MCM9: variants seen among roughly 807,000 people sequenced by gnomAD.
MCM9 encodes the protein minichromosome maintenance 9 homologous recombination repair factor, also known as DNA helicase MCM9.
In MCM9, 55 loss-of-function variants were observed where a neutral mutation model predicts 72.8. The ratio of observed to expected loss-of-function variants is 0.76; its 90% CI spans 0.61 to 0.95. The LOEUF (loss-of-function observed/expected upper bound fraction) is 0.95. Ranked by LOEUF, MCM9 falls within the 40% of genes least tolerant of loss-of-function variation. The pLI is 0.00. For missense variants in MCM9, 1,279 were observed against 1,377.0 expected (o/e 0.93, Z 1.13); for synonymous variants, 480 against 503.4 (o/e 0.95, Z 0.62).
chr6:118,916,578 C>T (rs188085149), intron 6 of MCM9, among the ~76,000 whole-genome samples: 45 of 151,740 alleles, frequency 3.0e-4, no homozygotes, highest in African/African-American at 1.1e-3. Flanking sequence ...CCTGTCTCAC[C>T]CTCACAAGTT....
Position 118,921,991 on chromosome 6 carries a change from T to C in MCM9, c.703+14A>G, listed in dbSNP as rs41292556. ...CTACCTACACAAGCTAAAAAAAAAT[T>C]CCCCTCTTCTTACCAGATTTGCAAC... is the stretch of plus-strand genomic sequence containing the variant. On this transcript the variant is annotated intron_variant, in intron 5 of 13. Coordinates refer to ENST00000619706, the MANE Select transcript of MCM9 (RefSeq NM_017696.3). 387 of 1,600,180 alleles carry C rather than the reference T, an allele frequency of 2.4e-4. No individual in the cohort carries two copies. The highest frequency in any genetic ancestry group is 3.2e-4 in the Non-Finnish European group (378 of 1,173,076).
At chr6:118,842,032 G>A (rs984633507) in intron 9 of MCM9, among the ~76,000 whole-genome samples, 2 of 151,956 alleles carry the variant, frequency 1.3e-5, no homozygotes, top group South Asian at 4.2e-4. Context: ...ATGGGGTTTC[G>A]CCATATTGGC....
intron 8 of MCM9, among the ~76,000 whole-genome samples, chr6:118,896,787 T>C (rs888530333): frequency 1.3e-5 from 2 of 152,122 alleles, no homozygotes; most frequent in African/African-American, 4.8e-5. Flanking sequence ...TTCCATACTT[T>C]TATATTACAG....
intron 8 of MCM9, among the ~76,000 whole-genome samples, chr6:118,883,991 T>C (rs903161475): frequency 6.6e-5 from 10 of 152,208 alleles, no homozygotes; most frequent in Non-Finnish European, 7.3e-5. Context: ...TAAAAAAGTA[T>C]ATAATTGTAT....
chr6:118,911,598 G>T, intron 8 of MCM9, 52 bp downstream of exon 8: 1 of 1,551,192 alleles, frequency 6.4e-7, no homozygotes, highest in South Asian at 1.2e-5. Flanking sequence ...AAAAACCATT[G>T]TGTTAACTTC....
intron 9 of MCM9, among the ~76,000 whole-genome samples, chr6:118,845,774 C>T (rs988143114): frequency 1.3e-5 from 2 of 151,820 alleles, no homozygotes; most frequent in African/African-American, 4.9e-5. Context: ...TATTTACTCA[C>T]TGGATAACTG....
intron 9 of MCM9, among the ~76,000 whole-genome samples, chr6:118,850,768 A>T (rs1047289447): frequency 6.6e-6 from 1 of 151,728 alleles, no homozygotes; most frequent in Non-Finnish European, 1.5e-5. Flanking sequence ...GAAAACACAG[A>T]ACCGAATAAT....
chr6:118,906,016 G>T (rs1780153982), intron 8 of MCM9, among the ~76,000 whole-genome samples: 1 of 152,140 alleles, frequency 6.6e-6, no homozygotes, highest in African/African-American at 2.4e-5. Context: ...CTTCAGATGA[G>T]TCATTAGTAA....
At chr6:118,904,139 T>TCCCC (rs1780003143) in intron 8 of MCM9, among the ~76,000 whole-genome samples, 1 of 152,172 alleles carries the variant, frequency 6.6e-6, no homozygotes. Flanking sequence ...GTGCAAATGA[T>TCCCC]AGGCTAGAGC....
chr6:118,906,077 C>T (rs549851919), intron 8 of MCM9, among the ~76,000 whole-genome samples: 3 of 152,016 alleles, frequency 2.0e-5, no homozygotes, highest in South Asian at 2.1e-4. Flanking sequence ...AATGAAAGTA[C>T]CTCTTTTTTT....
At chr6:118,924,244 T>C (rs1177964333) in intron 3 of MCM9, 117 bp from the exon 4 acceptor site, 38 of 950,114 alleles carry the variant, frequency 4.0e-5, no homozygotes, top group Admixed American at 7.3e-5. Flanking sequence ...AAAAAAAAGA[T>C]TGTGTTTTAC....
At chr6:118,927,955 G>T (rs1782036267) in intron 3 of MCM9, among the ~76,000 whole-genome samples, 1 of 152,152 alleles carries the variant, frequency 6.6e-6, no homozygotes, top group Non-Finnish European at 1.5e-5. Context: ...TAAGAATAAG[G>T]TACCAAATCT....
At chr6:118,898,860 A>C (rs1779613870) in intron 8 of MCM9, among the ~76,000 whole-genome samples, 1 of 152,106 alleles carries the variant, frequency 6.6e-6, no homozygotes, top group East Asian at 1.9e-4. Flanking sequence ...TTGTCCTCTT[A>C]TCTTTGGAGG....
intron 8 of MCM9, among the ~76,000 whole-genome samples, chr6:118,862,601 T>A (rs190115097): frequency 6.6e-6 from 1 of 152,282 alleles, no homozygotes; most frequent in Non-Finnish European, 1.5e-5. Flanking sequence ...TTCATGCTCC[T>A]ATGAGAGTCT....
intron 9 of MCM9, among the ~76,000 whole-genome samples, chr6:118,831,201 A>G (rs1007916933): frequency 1.3e-5 from 2 of 152,074 alleles, no homozygotes; most frequent in Non-Finnish European, 2.9e-5. Flanking sequence ...AAAAATACAA[A>G]AAATAGCCGG....
chr6:118,843,675 T>TATATATATGTATATATATATGTATGC (rs2114629543), intron 9 of MCM9, among the ~76,000 whole-genome samples: 1 of 88,532 alleles, frequency 1.1e-5, no homozygotes, highest in African/African-American at 4.7e-5. Context: ...TATATGTATG[T>TATATATATGTATATATATATGTATGC]ATATATATAT....
At chr6:118,924,233 G>T in intron 3 of MCM9, 106 bp from the exon 4 acceptor site, 1 of 993,738 alleles carries the variant, frequency 1.0e-6, no homozygotes, top group Non-Finnish European at 1.5e-6. Flanking sequence ...ATTTCAGGGG[G>T]AAAAAAAAGA....
At chr6:118,819,700 A>G (rs1244939161) in intron 13 of MCM9, among the ~76,000 whole-genome samples, 2 of 152,196 alleles carry the variant, frequency 1.3e-5, no homozygotes, top group Non-Finnish European at 2.9e-5. Context: ...GAATGATACC[A>G]GCTCCTCTTT....
intron 8 of MCM9, among the ~76,000 whole-genome samples, chr6:118,871,598 T>C (rs1298636566): frequency 6.6e-6 from 1 of 152,168 alleles, no homozygotes; most frequent in East Asian, 1.9e-4. Context: ...GTCACTCCTG[T>C]TCAACATAGT....
Sources: gnomAD v4.1 joint callset for allele counts (sites outside exome capture counted in the v4.1 genomes callset) on GRCh38, gnomAD v4.1.1 for gene constraint, MANE v1.5 for transcripts, NCBI Gene and HGNC (gene_info 2026-07-23, HGNC 2026-07-21) for gene names.